The following CLNK variants were observed in gnomAD, a reference collection of about 807,000 sequenced individuals.
CLNK encodes the protein cytokine dependent hematopoietic cell linker, also known as cytokine-dependent hematopoietic cell linker.
A neutral mutation model predicts 68.6 loss-of-function variants in CLNK; 74 were observed. That is an observed-to-expected ratio of 1.08 (90% CI 0.89 to 1.31). The LOEUF is 1.31. Among genes scored for constraint, CLNK ranks in the 50% most tolerant of loss-of-function variants. The pLI is 0.00. For missense variants in CLNK, 553 were observed against 515.3 expected (o/e 1.07, Z -0.71); for synonymous variants, 198 against 172.2 (o/e 1.15, Z -1.17).
chr4:10,634,418 G>A (rs1202838097), intron 2 of CLNK, among the ~76,000 whole-genome samples: 1 of 152,168 alleles, frequency 6.6e-6, no homozygotes, highest in African/African-American at 2.4e-5. Flanking sequence ...ATAATCTGGG[G>A]AATGAGGCTG....
chr4:10,597,066 T>G (rs370765631), intron 3 of CLNK, among the ~76,000 whole-genome samples: 3 of 152,258 alleles, frequency 2.0e-5, no homozygotes, highest in Admixed American at 2.0e-4. Flanking sequence ...TTCTATCATC[T>G]TACCAGCATT....
intron 18 of CLNK, among the ~76,000 whole-genome samples, chr4:10,491,459 C>G (rs757641950): frequency 2.0e-5 from 3 of 152,234 alleles, no homozygotes; most frequent in Admixed American, 6.5e-5. Context: ...ATAGAAAGAA[C>G]AGGGACAACC....
chr4:10,540,022 G>A (rs1718950103), intron 11 of CLNK, among the ~76,000 whole-genome samples: 1 of 152,164 alleles, frequency 6.6e-6, no homozygotes, highest in African/African-American at 2.4e-5. Context: ...TTTCTTCTAG[G>A]TATAACTGGT....
chr4:10,486,400 T>G lies in CLNK; in HGVS notation c.*4067A>C, dbSNP rs1716354495. Reference sequence around the variant, plus strand: ...CTCAGAGACAGAGAAAATTATAACATTCAATTACATATTTACTTTTATTTA... The same window carrying G: ...CTCAGAGACAGAGAAAATTATAACAGTCAATTACATATTTACTTTTATTTA... On this transcript the variant is annotated 3_prime_UTR_variant, in exon 19 of 19. Coordinates refer to ENST00000226951, the MANE Select transcript of CLNK (RefSeq NM_052964.4). The G allele has an allele frequency of 6.6e-6, 1 of 152,214 alleles. No homozygotes were observed. The highest frequency in any genetic ancestry group is 2.1e-4 in the South Asian group (1 of 4,828). 9.4% of individuals were successfully genotyped at this position (152,214 alleles called of 1,614,324 possible).
intron 2 of CLNK, among the ~76,000 whole-genome samples, chr4:10,617,850 T>G (rs1174720201): frequency 1.3e-5 from 2 of 152,206 alleles, no homozygotes; most frequent in Non-Finnish European, 2.9e-5. Flanking sequence ...TTTGCTTTTG[T>G]TTTTGATTTT....
intron 7 of CLNK, among the ~76,000 whole-genome samples, chr4:10,559,020 AAC>A: frequency 6.6e-6 from 1 of 152,308 alleles, no homozygotes; most frequent in Non-Finnish European, 1.5e-5. Flanking sequence ...GACAACACGG[AAC>A]ACAAGCACTG....
chr4:10,510,236 G>T (rs1024384101), intron 16 of CLNK, among the ~76,000 whole-genome samples: 1 of 152,086 alleles, frequency 6.6e-6, no homozygotes, highest in Non-Finnish European at 1.5e-5. Context: ...GCGGGGGGAG[G>T]GGGGAAGTCC....
chr4:10,630,633 A>C (rs1722850011), intron 2 of CLNK, among the ~76,000 whole-genome samples: 1 of 152,224 alleles, frequency 6.6e-6, no homozygotes, highest in African/African-American at 2.4e-5. Flanking sequence ...AGTCCACTTC[A>C]TTCCAATTTC....
chr4:10,633,406 T>C (rs1176274395), intron 2 of CLNK, among the ~76,000 whole-genome samples: 1 of 152,238 alleles, frequency 6.6e-6, no homozygotes, highest in African/African-American at 2.4e-5. Flanking sequence ...CCAGAGCATC[T>C]GATGCAAGCA....
chr4:10,574,866 G>A (rs1278087058), intron 4 of CLNK, among the ~76,000 whole-genome samples: 5 of 152,104 alleles, frequency 3.3e-5, no homozygotes, highest in African/African-American at 1.2e-4. Flanking sequence ...ACTGGTGCAT[G>A]CAACCCCCAG....
chr4:10,634,986 C>G (rs1490400641), intron 2 of CLNK, among the ~76,000 whole-genome samples: 1 of 152,122 alleles, frequency 6.6e-6, no homozygotes, highest in Non-Finnish European at 1.5e-5. Flanking sequence ...AGGTGTAGGG[C>G]TTTTCCCATT....
intron 8 of CLNK, among the ~76,000 whole-genome samples, chr4:10,546,678 G>A (rs1719245025): frequency 1.3e-5 from 2 of 151,986 alleles, no homozygotes; most frequent in African/African-American, 4.8e-5. Flanking sequence ...CAGTTCCAAA[G>A]CTGCTTTCCA....
chr4:10,515,270 C>T (rs575164525), intron 15 of CLNK, among the ~76,000 whole-genome samples: 1 of 152,098 alleles, frequency 6.6e-6, no homozygotes, highest in South Asian at 2.1e-4. Context: ...ATTTCCTTTC[C>T]ACCTAGAAAA....
intron 14 of CLNK, among the ~76,000 whole-genome samples, chr4:10,524,299 G>A (rs989478399): frequency 4.6e-5 from 7 of 152,228 alleles, no homozygotes; most frequent in African/African-American, 1.4e-4. Context: ...AAAGGCATAG[G>A]GTATGGTGAT....
the CLNK span, among the ~76,000 whole-genome samples, chr4:10,690,926 T>C: frequency 2.0e-5 from 3 of 151,964 alleles, no homozygotes; most frequent in Non-Finnish European, 4.4e-5. Context: ...AATAAATAAA[T>C]GTGTAAGAGA....
intron 2 of CLNK, among the ~76,000 whole-genome samples, chr4:10,622,389 T>C (rs1169470556): frequency 2.0e-5 from 3 of 152,192 alleles, no homozygotes; most frequent in African/African-American, 7.2e-5. Context: ...CGTTTAAAAA[T>C]GCAAAAGAAA....
intron 8 of CLNK, among the ~76,000 whole-genome samples, chr4:10,552,486 A>G (rs76102124): frequency 0.038 from 5,826 of 152,182 alleles, 191 homozygotes; most frequent in Non-Finnish European, 0.061. Context: ...TATCTTTCCC[A>G]GTTTTTTGCA....
At chr4:10,517,429 C>T (rs1184770202) in intron 15 of CLNK, 1 of 152,086 alleles carries the variant, frequency 6.6e-6, no homozygotes, top group African/African-American at 2.4e-5. Context: ...TTAAAAATTC[C>T]AGTTATGTAC....
intron 17 of CLNK, 147 bp from the exon 18 acceptor site, chr4:10,501,558 G>A (rs1056602851): frequency 2.8e-6 from 2 of 723,162 alleles, no homozygotes; most frequent in Non-Finnish European, 4.5e-6. Context: ...TTTTTACTGA[G>A]TGTCTGTATG....
Sources: allele counts gnomAD v4.1 joint callset (sites outside exome capture counted in the v4.1 genomes callset), GRCh38; gene constraint gnomAD v4.1.1; transcripts MANE v1.5; gene names NCBI Gene and HGNC (gene_info 2026-07-23, HGNC 2026-07-21).